ERC2: variants seen among roughly 807,000 people sequenced by gnomAD.
ERC2 encodes ERC protein 2.
Under a neutral mutation model 114.8 loss-of-function variants are expected in ERC2, and 42 were observed. The ratio of observed to expected loss-of-function variants is 0.37; its 90% CI spans 0.29 to 0.47. The LOEUF is 0.47. ERC2 is among the 20% of genes least tolerant of loss of function. The pLI is 0.99. For missense variants in ERC2, 939 were observed against 1,150.7 expected (o/e 0.82, Z 2.66); for synonymous variants, 454 against 425.5 (o/e 1.07, Z -0.82).
intron 7 of ERC2, among the ~76,000 whole-genome samples, chr3:56,069,476 G>A (rs554530955): frequency 2.7e-4 from 41 of 152,272 alleles, no homozygotes; most frequent in African/African-American, 8.9e-4. Flanking sequence ...CTCTGCCTGT[G>A]GCTGGGGTCT....
chr3:56,366,753 T>C (rs771522703), intron 2 of ERC2, among the ~76,000 whole-genome samples: 1 of 152,218 alleles, frequency 6.6e-6, no homozygotes, highest in African/African-American at 2.4e-5. Context: ...ACAGGCCCTA[T>C]AAGCCTGTTG....
intron 17 of ERC2, among the ~76,000 whole-genome samples, chr3:55,616,449 C>T (rs1476736705): frequency 6.6e-6 from 1 of 151,878 alleles, no homozygotes; most frequent in East Asian, 1.9e-4. Context: ...ACTGGTAAAA[C>T]AAAAATAGCT....
chr3:55,762,934 C>T (rs965097721), intron 14 of ERC2, among the ~76,000 whole-genome samples: 2 of 152,168 alleles, frequency 1.3e-5, no homozygotes, highest in East Asian at 1.9e-4. Flanking sequence ...CAACTGTCTA[C>T]AGAACACATA....
Position 56,434,756 on chromosome 3 carries a change from C to T in ERC2, c.252G>A (p.Arg84=). Residue 84 remains arginine, a synonymous_variant, in exon 2 of 18, where the codon AGG becomes AGA. Transcript: ENST00000288221. The part of the protein sequence containing the change: ...TYPKGTMTLG[R]ATNRAVYGGR... ...CTCCATATACAGCTCGATTTGTAGC[C>T]CTTCCCAGAGTCATAGTGCCCTTTG... 2.5e-6 allele frequency: 4 copies of T among 1,613,946 alleles called. No homozygotes were observed. The highest frequency in any genetic ancestry group is 3.4e-6 in the Non-Finnish European group (4 of 1,179,892).
Position 55,664,374 on chromosome 3 carries a change from C to T in ERC2, c.*39+19420G>A, listed in dbSNP as rs144479049. ...ATCAAATGTAGATGAAAAGAGTAAG[C>T]TGTCAACAAGCTTGGTTTCTGTGTT... On this transcript the variant is annotated intron_variant, in intron 17 of 17. Coordinates refer to ENST00000288221, the MANE Select transcript of ERC2 (RefSeq NM_015576.3). 1.7e-3 allele frequency among the ~76,000 whole-genome samples: 252 copies of T among 152,308 alleles called. 2 individuals carry two copies. Among genetic ancestry groups the T allele is most frequent in the African/African-American group, 6.0e-3 (248 of 41,568 alleles).
chr3:55,751,058 C>T (rs1372974236), intron 14 of ERC2, among the ~76,000 whole-genome samples: 2 of 152,224 alleles, frequency 1.3e-5, no homozygotes, highest in Non-Finnish European at 2.9e-5. Flanking sequence ...TGGTCCATGA[C>T]TTCCACGGTC....
At chr3:56,427,873 G>A (rs1167283320) in intron 2 of ERC2, among the ~76,000 whole-genome samples, 1 of 152,090 alleles carries the variant, frequency 6.6e-6, no homozygotes, top group Non-Finnish European at 1.5e-5. Context: ...TCTTTTTGTG[G>A]GGGATATACA....
At chr3:56,441,756 A>G (rs1227296979) in intron 1 of ERC2, among the ~76,000 whole-genome samples, 1 of 152,230 alleles carries the variant, frequency 6.6e-6, no homozygotes, top group East Asian at 1.9e-4. Flanking sequence ...CATGTTGGCT[A>G]GGCTGGTCTC....
At chr3:56,141,161 A>T (rs1400535691) in intron 5 of ERC2, among the ~76,000 whole-genome samples, 1 of 152,142 alleles carries the variant, frequency 6.6e-6, no homozygotes, top group African/African-American at 2.4e-5. Flanking sequence ...TGCCAATTTG[A>T]TATGCGTTGT....
chr3:55,922,003 A>T (rs940886970), intron 13 of ERC2, among the ~76,000 whole-genome samples: 1 of 152,194 alleles, frequency 6.6e-6, no homozygotes, highest in East Asian at 1.9e-4. Context: ...GCTTTGCCCT[A>T]CACATTAGCT....
intron 2 of ERC2, among the ~76,000 whole-genome samples, chr3:56,300,298 A>G (rs1469497953): frequency 1.3e-5 from 2 of 151,678 alleles, no homozygotes; most frequent in African/African-American, 2.4e-5. Context: ...AAAAAAAAGA[A>G]AAACAAAAGA....
intron 13 of ERC2, among the ~76,000 whole-genome samples, chr3:55,901,526 C>T (rs1451173110): frequency 1.3e-5 from 2 of 152,204 alleles, no homozygotes; most frequent in Admixed American, 1.3e-4. Context: ...ACAGTCCCCT[C>T]AAATCTTTAA....
chr3:56,182,603 T>C (rs748206354), intron 3 of ERC2, among the ~76,000 whole-genome samples: 5 of 152,218 alleles, frequency 3.3e-5, no homozygotes, highest in Admixed American at 6.5e-5. Context: ...ATTTTTCACT[T>C]GAAGAAACAG....
chr3:55,615,395 T>C (rs1317934765), intron 17 of ERC2, among the ~76,000 whole-genome samples: 2 of 152,192 alleles, frequency 1.3e-5, no homozygotes, highest in East Asian at 3.8e-4. Flanking sequence ...AGATATTTGA[T>C]AGAGAAACTC....
chr3:56,323,674 T>C (rs2057227897), intron 2 of ERC2, among the ~76,000 whole-genome samples: 2 of 152,312 alleles, frequency 1.3e-5, no homozygotes, highest in South Asian at 2.1e-4. Context: ...AACAATGTTA[T>C]ATACACACAG....
At chr3:56,149,176 A>T in intron 4 of ERC2, 44 bp from the exon 5 acceptor site, 2 of 1,497,496 alleles carry the variant, frequency 1.3e-6, no homozygotes, top group East Asian at 2.5e-5. Flanking sequence ...AAGAATAAAA[A>T]TTATTTTTAA....
At chr3:56,284,813 TA>T (rs570545352) in intron 3 of ERC2, among the ~76,000 whole-genome samples, 171 of 152,164 alleles carry the variant, frequency 1.1e-3, no homozygotes, top group African/African-American at 3.9e-3. Context: ...GTATATCAGA[TA>T]AAACACCACC....
intron 7 of ERC2, among the ~76,000 whole-genome samples, chr3:56,022,301 G>A (rs1201842539): frequency 6.6e-6 from 1 of 152,190 alleles, no homozygotes; most frequent in Non-Finnish European, 1.5e-5. Context: ...TGGGACGACT[G>A]ATGATTTTAC....
At chr3:55,663,728 T>C (rs936968012) in intron 17 of ERC2, among the ~76,000 whole-genome samples, 2 of 152,240 alleles carry the variant, frequency 1.3e-5, no homozygotes, top group African/African-American at 4.8e-5. Context: ...AATCTTTTTT[T>C]ACTTTTATAG....
Sources: allele counts gnomAD v4.1 joint callset (sites outside exome capture counted in the v4.1 genomes callset), GRCh38; gene constraint gnomAD v4.1.1; transcripts MANE v1.5; gene names NCBI Gene and HGNC (gene_info 2026-07-23, HGNC 2026-07-21).